The following CPNE4 variants were observed in gnomAD, a reference collection of about 807,000 sequenced individuals.
CPNE4 encodes the protein copine-4.
Under a neutral mutation model 67.9 loss-of-function variants are expected in CPNE4, and 25 were observed. That is an observed-to-expected ratio of 0.37 (90% CI 0.27 to 0.51). The LOEUF (loss-of-function observed/expected upper bound fraction) is 0.51, where lower values mean the gene tolerates loss of function less well. Among genes scored for constraint, CPNE4 ranks in the 20% least tolerant of loss-of-function variants. The pLI, the probability that CPNE4 is intolerant of heterozygous loss-of-function variation, is 0.93. For missense variants in CPNE4, 464 were observed against 690.8 expected, an observed-to-expected ratio of 0.67 and a Z score of 3.68; for synonymous variants, 242 against 244.9, an observed-to-expected ratio of 0.99 and a Z score of 0.11.
chr3:131,661,883 T>A (rs1016220419), intron 7 of CPNE4, among the ~76,000 whole-genome samples: 3 of 152,128 alleles, frequency 2.0e-5, no homozygotes, highest in Admixed American at 6.6e-5. Context: ...AGTGGACTCC[T>A]CAATTCCAAC....
intron 2 of CPNE4, among the ~76,000 whole-genome samples, chr3:131,748,671 A>G (rs1052569201): frequency 1.3e-5 from 2 of 152,136 alleles, no homozygotes; most frequent in African/African-American, 2.4e-5. Flanking sequence ...TGTGTTTTTC[A>G]TAAAGTGACA....
At chr3:132,000,695 A>C (rs949692405) in intron 1 of CPNE4, among the ~76,000 whole-genome samples, 1 of 151,956 alleles carries the variant, frequency 6.6e-6, no homozygotes, top group African/African-American at 2.4e-5. Flanking sequence ...TCATGAGAAA[A>C]GCATTGCAGG....
chr3:131,833,469 G>A (rs114124538), intron 2 of CPNE4, among the ~76,000 whole-genome samples: 10,754 of 152,226 alleles, frequency 0.071, 497 homozygotes, highest in Middle Eastern at 0.14. Context: ...CCAGGCAGGC[G>A]GATCACTTGA....
At chr3:131,543,981 G>A (rs1207703290) in intron 14 of CPNE4, among the ~76,000 whole-genome samples, 1 of 152,338 alleles carries the variant, frequency 6.6e-6, no homozygotes, top group African/African-American at 2.4e-5. Context: ...GAAAGGTGCT[G>A]TACTCAGCAG....
At chr3:131,883,793 C>A (rs1434703575) in intron 2 of CPNE4, among the ~76,000 whole-genome samples, 2 of 152,210 alleles carry the variant, frequency 1.3e-5, no homozygotes, top group Non-Finnish European at 2.9e-5. Context: ...TAACTGTAGG[C>A]ATGATGTTGC....
chr3:131,800,586 T>C (rs983679223), intron 2 of CPNE4, among the ~76,000 whole-genome samples: 13 of 152,250 alleles, frequency 8.5e-5, no homozygotes, highest in East Asian at 1.9e-4. Flanking sequence ...GTGGGAAGAA[T>C]AGCCCTGCAT....
In CPNE4 at chr3:131,732,516, T is replaced by A. The variant is rs375495279; in HGVS notation, c.181-8891A>T. Among the ~76,000 whole-genome samples the A allele has an allele frequency of 2.6e-5, 4 of 152,158 alleles. No individual in the cohort carries two copies. In the South Asian group the frequency reaches 8.3e-4, roughly 32 times the overall value. On this transcript the variant is annotated intron_variant, in intron 2 of 15. Transcript: ENST00000429747. ...GAGACTAGAAGACAGGAGGAACCCA[T>A]GGTGTACCCTCTGTCTACAGGCCCT...
chr3:131,740,621 C>T (rs756671603), intron 2 of CPNE4, among the ~76,000 whole-genome samples: 9 of 152,166 alleles, frequency 5.9e-5, no homozygotes, highest in Admixed American at 1.3e-4. Flanking sequence ...ACTATTCTCT[C>T]TTCTCTTGGA....
At chr3:131,828,443 A>T (rs1383403876) in intron 2 of CPNE4, among the ~76,000 whole-genome samples, 1 of 152,214 alleles carries the variant, frequency 6.6e-6, no homozygotes. Flanking sequence ...TACAAAATTA[A>T]TCCATGCTAT....
chr3:131,978,048 GATATATATAA>G (rs201669940), intron 1 of CPNE4, among the ~76,000 whole-genome samples: 2,228 of 76,264 alleles, frequency 0.029, 79 homozygotes, highest in East Asian at 0.095. Context: ...TTCCATCATA[GATATATATAA>G]ATATATATAA....
At chr3:131,692,908 C>T (rs2107690636) in intron 5 of CPNE4, among the ~76,000 whole-genome samples, 1 of 152,212 alleles carries the variant, frequency 6.6e-6, no homozygotes, top group South Asian at 2.1e-4. Context: ...TTGAATGTTC[C>T]AAAGTGATTA....
chr3:131,910,580 C>A (rs2088940360), intron 1 of CPNE4, among the ~76,000 whole-genome samples: 1 of 152,058 alleles, frequency 6.6e-6, no homozygotes, highest in African/African-American at 2.4e-5. Context: ...TGAATTGTAC[C>A]CTTAAGGAAA....
chr3:131,925,711 C>G (rs990602035), intron 1 of CPNE4: 1 of 152,132 alleles, frequency 6.6e-6, no homozygotes, highest in African/African-American at 2.4e-5. Flanking sequence ...GTAAATGCCT[C>G]GAATTCTTGC....
intron 2 of CPNE4, among the ~76,000 whole-genome samples, chr3:131,726,904 G>A (rs1436438648): frequency 2.0e-5 from 3 of 152,110 alleles, no homozygotes; most frequent in African/African-American, 7.2e-5. Context: ...TCTTGTGTGA[G>A]GTCAAGTTTT....
intron 2 of CPNE4, among the ~76,000 whole-genome samples, chr3:131,869,532 C>T (rs2087106074): frequency 6.6e-6 from 1 of 152,274 alleles, no homozygotes; most frequent in East Asian, 1.9e-4. Flanking sequence ...CTCAGCTTTT[C>T]ATAACTTAAG....
chr3:131,937,449 G>A (rs1583478936), intron 1 of CPNE4, among the ~76,000 whole-genome samples: 1 of 152,096 alleles, frequency 6.6e-6, no homozygotes, highest in Non-Finnish European at 1.5e-5. Flanking sequence ...AAAGGCCACT[G>A]ACTAATATTT....
intron 1 of CPNE4, among the ~76,000 whole-genome samples, chr3:131,912,397 C>T (rs1436668361): frequency 6.6e-6 from 1 of 152,002 alleles, no homozygotes; most frequent in African/African-American, 2.4e-5. Context: ...AGAATAAGTG[C>T]ATAATCACTC....
intron 1 of CPNE4, among the ~76,000 whole-genome samples, chr3:131,960,223 G>A (rs1319827161): frequency 6.6e-6 from 1 of 151,874 alleles, no homozygotes; most frequent in East Asian, 1.9e-4. Flanking sequence ...AAAAATGCTG[G>A]TAATATCTTC....
At chr3:131,843,172 A>G (rs932838754) in intron 2 of CPNE4, among the ~76,000 whole-genome samples, 1 of 152,176 alleles carries the variant, frequency 6.6e-6, no homozygotes, top group Non-Finnish European at 1.5e-5. Flanking sequence ...TCTTATCCCT[A>G]TTACTCCTAT....
Sources: allele counts gnomAD v4.1 joint callset (sites outside exome capture counted in the v4.1 genomes callset), GRCh38; gene constraint gnomAD v4.1.1; transcripts MANE v1.5; gene names NCBI Gene and HGNC (gene_info 2026-07-23, HGNC 2026-07-21).